The following STARD13 variants were observed in gnomAD, a reference collection of about 807,000 sequenced individuals.
STARD13 encodes the protein StAR related lipid transfer domain containing 13.
STARD13 carries 62 observed loss-of-function variants against 106.4 expected under a neutral mutation model. The ratio of observed to expected loss-of-function variants is 0.58; its 90% CI spans 0.48 to 0.72. STARD13 has a LOEUF of 0.72. STARD13 is among the 30% of genes least tolerant of loss of function. The pLI is 0.00. For synonymous variants in STARD13, 565 were observed against 553.0 expected, an observed-to-expected ratio of 1.02 and a Z score of -0.31; for missense variants, 1,387 against 1,424.0, an observed-to-expected ratio of 0.97 and a Z score of 0.42.
chr13:33,537,247 A>C, the STARD13 span, among the ~76,000 whole-genome samples: 1 of 152,272 alleles, frequency 6.6e-6, no homozygotes. Context: ...GAGTCCAATC[A>C]GTGTTTACTG....
chr13:33,263,735 G>A (rs914816204), intron 1 of STARD13, among the ~76,000 whole-genome samples: 1 of 152,200 alleles, frequency 6.6e-6, no homozygotes, highest in African/African-American at 2.4e-5. Flanking sequence ...AGAACATCGC[G>A]TGATGATTCT....
At chr13:33,143,304 G>A (rs1451206756) in intron 3 of STARD13, among the ~76,000 whole-genome samples, 2 of 152,186 alleles carry the variant, frequency 1.3e-5, no homozygotes, top group Non-Finnish European at 2.9e-5. Context: ...ACTGTGCCCA[G>A]CCCCTCTTTC....
chr13:33,180,053 A>G (rs1885076665), intron 1 of STARD13, among the ~76,000 whole-genome samples: 1 of 152,220 alleles, frequency 6.6e-6, no homozygotes, highest in South Asian at 2.1e-4. Context: ...CTAACATGCA[A>G]TTCATTTTTT....
intron 6 of STARD13, among the ~76,000 whole-genome samples, 155 bp downstream of exon 6, chr13:33,127,218 A>G (rs562371451): frequency 1.3e-5 from 2 of 152,384 alleles, no homozygotes; most frequent in South Asian, 4.1e-4. Flanking sequence ...CACTGCATCG[A>G]GGCTACGGCA....
chr13:33,584,631 T>G, the STARD13 span, among the ~76,000 whole-genome samples: 2 of 152,166 alleles, frequency 1.3e-5, no homozygotes, highest in Non-Finnish European at 1.5e-5. Context: ...GAGCATGTCT[T>G]TCTTTATTTG....
At chr13:33,265,937 A>C (rs1441060918) in intron 1 of STARD13, among the ~76,000 whole-genome samples, 1 of 152,192 alleles carries the variant, frequency 6.6e-6, no homozygotes, top group Non-Finnish European at 1.5e-5. Flanking sequence ...TTGTAAACAT[A>C]AAAATTTTAT....
Position 33,259,661 on chromosome 13 carries a change from G to A in STARD13, c.169+25809C>T, listed in dbSNP as rs569141503. 2.4e-4 allele frequency among the ~76,000 whole-genome samples: 37 copies of A among 152,226 alleles called. 1 individual carries two copies. The highest frequency in any genetic ancestry group is 6.3e-4 in the African/African-American group (26 of 41,552). On this transcript the variant is annotated intron_variant, in intron 1 of 13. Coordinates refer to ENST00000336934, the MANE Select transcript of STARD13 (RefSeq NM_178006.4). The stretch of plus-strand genomic sequence containing the variant: ...ATGGTTCAGTTGGGCCTAGGAAATC[G>A]CCAAAAAGTGACAATACGCTTGCTT...
At chr13:33,396,787 A>G in the STARD13 span, among the ~76,000 whole-genome samples, 2 of 152,192 alleles carry the variant, frequency 1.3e-5, no homozygotes, top group Admixed American at 6.5e-5. Context: ...AATTTATGAG[A>G]TATCTGTTTG....
intron 1 of STARD13, among the ~76,000 whole-genome samples, chr13:33,265,972 C>T (rs922004802): frequency 6.6e-6 from 1 of 152,088 alleles, no homozygotes; most frequent in Non-Finnish European, 1.5e-5. Flanking sequence ...TTGTCCATCC[C>T]GAAAAGTTAT....
At chr13:33,114,186 A>G (rs1283101483) in intron 8 of STARD13, among the ~76,000 whole-genome samples, 1 of 152,206 alleles carries the variant, frequency 6.6e-6, no homozygotes, top group Non-Finnish European at 1.5e-5. Flanking sequence ...ACACATTCAG[A>G]TATTTGCTAC....
intron 1 of STARD13, among the ~76,000 whole-genome samples, chr13:33,218,706 C>T (rs966174809): frequency 1.3e-4 from 20 of 152,214 alleles, no homozygotes; most frequent in African/African-American, 4.8e-4. Flanking sequence ...CATACCTTAA[C>T]ACAGCAGAGT....
chr13:33,211,196 T>A lies in STARD13; in HGVS notation c.170-43574A>T, dbSNP rs184018183. 7.4e-3 allele frequency among the ~76,000 whole-genome samples: 1,113 copies of A among 151,082 alleles called. 14 individuals are homozygous for A. The highest frequency in any genetic ancestry group is 0.026 in the African/African-American group (1,064 of 41,402). On this transcript the variant is annotated intron_variant, in intron 1 of 13. Transcript: ENST00000336934. The stretch of plus-strand genomic sequence containing the variant: ...TTAATATATTATTTTAAAAATATTT[T>A]AAAATAAAAATATTACATAAAACAT...
intron 1 of STARD13, among the ~76,000 whole-genome samples, chr13:33,201,620 A>C (rs1379894299): frequency 1.3e-5 from 2 of 152,262 alleles, no homozygotes; most frequent in Non-Finnish European, 2.9e-5. Flanking sequence ...CTCTCCATGC[A>C]GTCAATTTTT....
the STARD13 span, among the ~76,000 whole-genome samples, chr13:33,505,653 T>A: frequency 6.6e-6 from 1 of 152,174 alleles, no homozygotes; most frequent in Non-Finnish European, 1.5e-5. Context: ...AAATTTTTTA[T>A]CCCCAACTTT....
the STARD13 span, among the ~76,000 whole-genome samples, chr13:33,539,012 G>A: frequency 2.0e-5 from 3 of 151,998 alleles, no homozygotes; most frequent in Non-Finnish European, 2.9e-5. Flanking sequence ...CTTGTGATCC[G>A]CCCACCTCTG....
the STARD13 span, among the ~76,000 whole-genome samples, chr13:33,638,354 A>T: frequency 6.6e-6 from 1 of 152,240 alleles, no homozygotes; most frequent in Non-Finnish European, 1.5e-5. Context: ...GACATAAGAC[A>T]TAAGACATCA....
At chr13:33,586,324 A>G in the STARD13 span, among the ~76,000 whole-genome samples, 1 of 152,194 alleles carries the variant, frequency 6.6e-6, no homozygotes, top group African/African-American at 2.4e-5. Context: ...TCCCAGGGTT[A>G]TCGCCCTTTC....
the STARD13 span, among the ~76,000 whole-genome samples, chr13:33,495,699 G>A: frequency 6.6e-6 from 1 of 151,426 alleles, no homozygotes; most frequent in East Asian, 1.9e-4. Flanking sequence ...TGTTTTCCAT[G>A]CCTCTTTTAT....
chr13:33,285,856 C>A (rs995096940), upstream of STARD13: 8 of 1,120,506 alleles, frequency 7.1e-6, no homozygotes, highest in East Asian at 6.4e-5. Flanking sequence ...AAAATGGGAA[C>A]GTTTGCAGTC....
Sources: allele counts gnomAD v4.1 joint callset (sites outside exome capture counted in the v4.1 genomes callset), GRCh38; gene constraint gnomAD v4.1.1; transcripts MANE v1.5; gene names NCBI Gene and HGNC (gene_info 2026-07-23, HGNC 2026-07-21).